Variants in CNTN4 observed in about 807,000 individuals in gnomAD.
The protein encoded by CNTN4 is contactin 4.
A neutral mutation model predicts 122.5 loss-of-function variants in CNTN4; 77 were observed. The ratio of observed to expected loss-of-function variants is 0.63; its 90% CI spans 0.52 to 0.76. CNTN4 has a LOEUF of 0.76. Among genes scored for constraint, CNTN4 ranks in the 30% least tolerant of loss-of-function variants. CNTN4 has a pLI of 0.00. For missense variants in CNTN4, 1,256 were observed against 1,259.1 expected (o/e 1.00, Z 0.04); for synonymous variants, 512 against 447.0 (o/e 1.15, Z -1.83).
chr3:2,180,216 A>C (rs568584461), intron 2 of CNTN4, among the ~76,000 whole-genome samples: 1 of 152,096 alleles, frequency 6.6e-6, no homozygotes, highest in East Asian at 1.9e-4. Context: ...TTTAAATTAA[A>C]ATGTTTTCTA....
At position 2,439,642 on chromosome 3, in the gene CNTN4, G is replaced by A. The variant is rs191114185; in HGVS notation, c.-89+100409G>A. On this transcript the variant is annotated intron_variant, in intron 3 of 24. Coordinates refer to ENST00000418658, the MANE Select transcript of CNTN4 (RefSeq NM_175607.3). Reference sequence around the variant, plus strand: ...TCTCTGTATGTGTGTGTGTGCGCGCGTGCTTGTGTGTGTGTCTGTATCTGA... The same window carrying A: ...TCTCTGTATGTGTGTGTGTGCGCGCATGCTTGTGTGTGTGTCTGTATCTGA... Among the ~76,000 whole-genome samples the A allele has an allele frequency of 8.9e-4, 135 of 152,180 alleles. 1 individual carries two copies. Among genetic ancestry groups the A allele is most frequent in the African/African-American group, 1.5e-3 (61 of 41,536 alleles).
At chr3:2,739,064 G>C (rs1450540898) in intron 5 of CNTN4, among the ~76,000 whole-genome samples, 1 of 152,014 alleles carries the variant, frequency 6.6e-6, no homozygotes, top group African/African-American at 2.4e-5. Context: ...AAACAACCTA[G>C]TGGAAACATT....
intron 7 of CNTN4, among the ~76,000 whole-genome samples, chr3:2,850,883 C>A (rs1319390685): frequency 1.3e-5 from 2 of 152,024 alleles, no homozygotes; most frequent in Non-Finnish European, 2.9e-5. Context: ...GTGTTTCAAT[C>A]TCCTTGATGT....
At chr3:2,660,861 C>A (rs1036516042) in intron 4 of CNTN4, among the ~76,000 whole-genome samples, 3 of 152,164 alleles carry the variant, frequency 2.0e-5, no homozygotes, top group Admixed American at 1.3e-4. Context: ...CAATTTAATC[C>A]CACCTTTATG....
chr3:3,014,313 T>C (rs1697538731), intron 14 of CNTN4, among the ~76,000 whole-genome samples: 1 of 152,170 alleles, frequency 6.6e-6, no homozygotes, highest in Non-Finnish European at 1.5e-5. Flanking sequence ...CAAAACCTAC[T>C]TGTCATTTTA....
Position 3,057,942 on chromosome 3 carries a change from T to C in CNTN4, c.*1722T>C, listed in dbSNP as rs962315810. The C allele has an allele frequency of 1.3e-5, 2 of 152,280 alleles. No individual in the cohort carries two copies. The highest frequency in any genetic ancestry group is 4.8e-5 in the African/African-American group (2 of 41,426). The allele number at this position is 152,280 out of a possible 1,614,324, so 9.4% of individuals were successfully genotyped here. The stretch of plus-strand genomic sequence containing the variant: ...CTTTTTTAAAGGTATTGTTAATAAA[T>C]ATTCTGTCATTTGTAAAGATACTTG... On this transcript the variant is annotated 3_prime_UTR_variant, in exon 25 of 25. Transcript: ENST00000418658.
chr3:2,135,411 T>C (rs1350644937), intron 2 of CNTN4, among the ~76,000 whole-genome samples: 1 of 152,232 alleles, frequency 6.6e-6, no homozygotes, highest in Non-Finnish European at 1.5e-5. Context: ...ATAGTAAATC[T>C]CTATTCTGTA....
At chr3:2,998,724 T>C (rs1278904071) in intron 14 of CNTN4, among the ~76,000 whole-genome samples, 7 of 152,144 alleles carry the variant, frequency 4.6e-5, no homozygotes, top group Non-Finnish European at 8.8e-5. Context: ...TCCTAGCATA[T>C]TCAGGGAAAA....
intron 3 of CNTN4, among the ~76,000 whole-genome samples, chr3:2,476,789 C>G (rs748050529): frequency 1.3e-5 from 2 of 152,142 alleles, no homozygotes; most frequent in Non-Finnish European, 2.9e-5. Flanking sequence ...ACACTTATAA[C>G]AGGTGAATTT....
chr3:2,359,782 A>G (rs770205415), intron 3 of CNTN4, among the ~76,000 whole-genome samples: 17 of 151,932 alleles, frequency 1.1e-4, no homozygotes, highest in Non-Finnish European at 2.2e-4. Flanking sequence ...CTCGTGATCC[A>G]CCCGCCTCGG....
chr3:2,185,122 T>C (rs2149303048), intron 2 of CNTN4, among the ~76,000 whole-genome samples: 1 of 152,290 alleles, frequency 6.6e-6, no homozygotes, highest in East Asian at 1.9e-4. Flanking sequence ...CTGGGCTTTT[T>C]ACAGAGGCTG....
chr3:2,478,544 G>C (rs1343152968), intron 3 of CNTN4, among the ~76,000 whole-genome samples: 1 of 151,902 alleles, frequency 6.6e-6, no homozygotes, highest in Non-Finnish European at 1.5e-5. Flanking sequence ...ACTAAGCCCG[G>C]CATCAGTTAG....
intron 7 of CNTN4, among the ~76,000 whole-genome samples, chr3:2,835,979 A>G (rs1316313795): frequency 2.0e-5 from 3 of 152,172 alleles, no homozygotes; most frequent in African/African-American, 7.2e-5. Context: ...TATTCTCTCC[A>G]AATCTAATCA....
intron 2 of CNTN4, among the ~76,000 whole-genome samples, chr3:2,296,475 G>T (rs1379334341): frequency 1.5e-5 from 2 of 137,424 alleles, no homozygotes; most frequent in African/African-American, 5.7e-5. Context: ...AAAGAACATT[G>T]AAGTTTGTTA....
rs987873278 is a variant in CNTN4, at chr3:2,866,936, A to G, written c.639A>G (p.Ile213Met). 2 of 1,613,654 alleles carry G rather than the reference A, an allele frequency of 1.2e-6. No homozygotes were observed. The highest frequency in any genetic ancestry group is 3.3e-5 in the Admixed American group (2 of 60,004). The stretch of plus-strand genomic sequence containing the variant: ...TCCTGGGGCCACCTACACCACTAAT[A>G]TTGAGAAATGATGGTGAGTTTTCAA... ...HKVLGPPTPLILRNDGVMGEY... is the reference protein window; with the variant it reads ...HKVLGPPTPLMLRNDGVMGEY... The change falls in exon 8 of 25, where the codon ATA becomes ATG. Residue 213 changes from isoleucine (I) to methionine (M), a missense_variant. Ile to Met is a conservative substitution (Grantham distance 10, BLOSUM62 1). Coordinates refer to ENST00000418658, the MANE Select transcript of CNTN4 (RefSeq NM_175607.3).
At chr3:2,659,334 T>C (rs908577753) in intron 4 of CNTN4, among the ~76,000 whole-genome samples, 30 of 151,558 alleles carry the variant, frequency 2.0e-4, no homozygotes, top group Admixed American at 1.9e-3. Flanking sequence ...TAATGGTACA[T>C]GTCTGTATTC....
chr3:2,879,779 A>G (rs2093885950), intron 8 of CNTN4, among the ~76,000 whole-genome samples: 1 of 152,204 alleles, frequency 6.6e-6, no homozygotes, highest in African/African-American at 2.4e-5. Flanking sequence ...TGATAGTTGC[A>G]TGACTCAGCA....
At chr3:2,895,469 A>C (rs2094097393) in intron 10 of CNTN4, among the ~76,000 whole-genome samples, 1 of 152,168 alleles carries the variant, frequency 6.6e-6, no homozygotes. Flanking sequence ...GCCAGCTTTG[A>C]GTTGCCTTCT....
chr3:2,235,248 T>G (rs865776123), intron 2 of CNTN4, among the ~76,000 whole-genome samples: 2 of 152,184 alleles, frequency 1.3e-5, no homozygotes, highest in Non-Finnish European at 2.9e-5. Flanking sequence ...TGTACATTTA[T>G]CAAGGTTATG....
Sources: gnomAD v4.1 joint callset for allele counts (sites outside exome capture counted in the v4.1 genomes callset) on GRCh38, gnomAD v4.1.1 for gene constraint, MANE v1.5 for transcripts, NCBI Gene and HGNC (gene_info 2026-07-23, HGNC 2026-07-21) for gene names.